NEURL1: variants seen among roughly 807,000 people sequenced by gnomAD.
NEURL1 encodes neuralized E3 ubiquitin protein ligase 1.
Under a neutral mutation model 41.2 loss-of-function variants are expected in NEURL1, and 26 were observed. The ratio of observed to expected loss-of-function variants is 0.63; its 90% CI spans 0.46 to 0.87. NEURL1 has a LOEUF of 0.87. Among genes scored for constraint, NEURL1 ranks in the 40% least tolerant of loss-of-function variants. The pLI, the probability that NEURL1 is intolerant of heterozygous loss-of-function variation, is 0.00. For synonymous variants in NEURL1, 400 were observed against 402.3 expected (o/e 0.99, Z 0.07); for missense variants, 761 against 871.1 (o/e 0.87, Z 1.59).
At chr10:103,534,968 T>C (rs1404724910) in intron 1 of NEURL1, among the ~76,000 whole-genome samples, 1 of 152,148 alleles carries the variant, frequency 6.6e-6, no homozygotes, top group Non-Finnish European at 1.5e-5. Context: ...AGTACTGGCC[T>C]GACTCCTGGG....
intron 1 of NEURL1, among the ~76,000 whole-genome samples, 175 bp from the exon 2 acceptor site, chr10:103,570,696 TG>T (rs370241639): frequency 1.3e-5 from 2 of 149,622 alleles, no homozygotes; most frequent in Non-Finnish European, 3.0e-5. Context: ...GATGGTGGAG[TG>T]GGAGATGGTG....
chr10:103,589,633 T>A lies in NEURL1; in HGVS notation c.1459T>A (p.Ser487Thr). Residue 487 changes from serine to threonine, a missense_variant, in exon 5 of 6, where the codon TCT becomes ACT. By Grantham distance (58) the Ser-to-Thr change is moderately conservative. Transcript: ENST00000369780. ...LSDPLLSTCS[S>T]GPLGSSAGGT... ...TGACCCCTTGCTCAGCACGTGCAGCTCTGGCCCTCTGGGTAGCTCTGCTGG... is the reference window on the plus strand; with the variant it reads ...TGACCCCTTGCTCAGCACGTGCAGCACTGGCCCTCTGGGTAGCTCTGCTGG... 6.2e-7 allele frequency: 1 copy of A among 1,613,064 alleles called. No homozygotes were observed. Among genetic ancestry groups the A allele is most frequent in the Non-Finnish European group, 8.5e-7 (1 of 1,179,488 alleles).
intron 3 of NEURL1, among the ~76,000 whole-genome samples, chr10:103,577,427 AG>A (rs1714305648): frequency 6.6e-6 from 1 of 152,236 alleles, no homozygotes; most frequent in Non-Finnish European, 1.5e-5. Flanking sequence ...TTGTATATAA[AG>A]GAAGGTATTA....
chr10:103,567,249 G>A (rs2133875661), intron 1 of NEURL1, among the ~76,000 whole-genome samples: 1 of 152,208 alleles, frequency 6.6e-6, no homozygotes, highest in East Asian at 1.9e-4. Context: ...CTCCCAAAGT[G>A]CTGAGATTAC....
intron 3 of NEURL1, among the ~76,000 whole-genome samples, chr10:103,572,993 T>C (rs372186911): frequency 1.6e-5 from 2 of 128,452 alleles, no homozygotes; most frequent in African/African-American, 3.5e-5. Flanking sequence ...GTTGAAAACC[T>C]TTTTTTTTTT....
At position 103,590,532 on chromosome 10, in the gene NEURL1, G is replaced by A. The variant is rs965156902; in HGVS notation, c.*160G>A. The A allele has an allele frequency of 4.8e-6, 3 of 631,034 alleles. No homozygotes were observed. The highest frequency in any genetic ancestry group is 3.7e-5 in the African/African-American group (2 of 54,604). The allele number at this position is 631,034 out of a possible 1,614,324, so 39.1% of individuals were successfully genotyped here. On this transcript the variant is annotated 3_prime_UTR_variant, in exon 6 of 6. Coordinates refer to ENST00000369780, the MANE Select transcript of NEURL1 (RefSeq NM_004210.5). ...AAGCCCTTGAAGGTTTGGGGAGAGG[G>A]GGGTATCAGGCAGGGAGGGGGCAGA...
intron 1 of NEURL1, among the ~76,000 whole-genome samples, chr10:103,548,443 C>T (rs1431255287): frequency 2.6e-5 from 4 of 152,210 alleles, no homozygotes; most frequent in Non-Finnish European, 4.4e-5. Context: ...CTGCCTCGGC[C>T]TCCCGAGCAG....
intron 1 of NEURL1, among the ~76,000 whole-genome samples, chr10:103,544,409 G>A (rs190013757): frequency 6.6e-6 from 1 of 152,286 alleles, no homozygotes; most frequent in Admixed American, 6.5e-5. Context: ...GGGAGAAGGA[G>A]CTGCTTCTTC....
chr10:103,584,962 CG>C lies in NEURL1; in HGVS notation c.1077del (p.Cys360AlafsTer144). ...GGCGCGCTGTCGTTCGGCGTCACCA[CG>C]TGCGACCCCGGCACGCTGCGGCCGG... ...RPGALSFGVT[T>X]CDPGTLRPAD... On this transcript the variant is annotated frameshift_variant, in exon 4 of 6. Coordinates refer to ENST00000369780, the MANE Select transcript of NEURL1 (RefSeq NM_004210.5). LOFTEE classifies it high-confidence loss of function. 1 of 1,515,150 alleles carries C rather than the reference CG, an allele frequency of 6.6e-7. No individual in the cohort carries two copies. Among genetic ancestry groups the C allele is most frequent in the Non-Finnish European group, 8.8e-7 (1 of 1,140,836 alleles). The allele number at this position is 1,515,150 out of a possible 1,614,324, so 93.9% of individuals were successfully genotyped here.
At chr10:103,570,838 A>G (rs2035524571) in intron 1 of NEURL1, 34 bp from the exon 2 acceptor site, 1 of 1,595,848 alleles carries the variant, frequency 6.3e-7, no homozygotes, top group African/African-American at 1.3e-5. Context: ...TGGACCCGCC[A>G]AGTTCTCTGA....
At position 103,531,689 on chromosome 10, in the gene NEURL1, T is replaced by TC. The variant is rs373638485; in HGVS notation, c.85+37217_85+37218insC. 9.6e-3 allele frequency among the ~76,000 whole-genome samples: 1,408 copies of TC among 146,272 alleles called. 17 individuals are homozygous for TC. Among genetic ancestry groups the TC allele is most frequent in the African/African-American group, 0.03 (1,183 of 39,828 alleles). ...CATACTACCATTCCTGGCTTTTTCT[T>TC]TTTTTTTTTTAGTAGAGATGAAGTC... On this transcript the variant is annotated intron_variant, in intron 1 of 5. Transcript: ENST00000369780.
chr10:103,553,914 C>A (rs1439649763), intron 1 of NEURL1, among the ~76,000 whole-genome samples: 1 of 152,254 alleles, frequency 6.6e-6, no homozygotes, highest in Admixed American at 6.5e-5. Flanking sequence ...CTGGTAGAGG[C>A]CCCTGAGCTT....
chr10:103,521,456 C>T lies in NEURL1; in HGVS notation c.85+26984C>T, dbSNP rs1422418836. On this transcript the variant is annotated intron_variant, in intron 1 of 5. Coordinates refer to ENST00000369780, the MANE Select transcript of NEURL1 (RefSeq NM_004210.5). ...TGCCAGTCCTGGGCGGGGGCAAATC[C>T]CCGAGCTTGATGTGTAGGGAAGGGA... Among the ~76,000 whole-genome samples the T allele has an allele frequency of 2.0e-5, 3 of 152,246 alleles. No homozygotes were observed. The East Asian group carries it at 5.8e-4, about 29-fold the overall frequency.
chr10:103,561,925 A>G (rs996926828), intron 1 of NEURL1, among the ~76,000 whole-genome samples: 1 of 152,082 alleles, frequency 6.6e-6, no homozygotes, highest in South Asian at 2.1e-4. Flanking sequence ...TTCTTTTTCT[A>G]ATTTCTCCAC....
intron 1 of NEURL1, among the ~76,000 whole-genome samples, chr10:103,552,095 A>T (rs969515189): frequency 1.3e-5 from 2 of 152,212 alleles, no homozygotes; most frequent in Non-Finnish European, 2.9e-5. Context: ...GAGGGGAGTG[A>T]GGCTAAGTCA....
At chr10:103,543,363 G>A (rs2034860077) in intron 1 of NEURL1, among the ~76,000 whole-genome samples, 1 of 152,236 alleles carries the variant, frequency 6.6e-6, no homozygotes, top group African/African-American at 2.4e-5. Flanking sequence ...GCCCCCACTG[G>A]TGCTGCGAGG....
At chr10:103,557,670 G>A (rs2035185213) in intron 1 of NEURL1, among the ~76,000 whole-genome samples, 1 of 152,186 alleles carries the variant, frequency 6.6e-6, no homozygotes, top group South Asian at 2.1e-4. Flanking sequence ...CAGAACCCTT[G>A]CATATGCGTC....
intron 1 of NEURL1, among the ~76,000 whole-genome samples, chr10:103,501,441 A>G (rs2033820659): frequency 6.6e-6 from 1 of 151,978 alleles, no homozygotes; most frequent in Non-Finnish European, 1.5e-5. Flanking sequence ...GTCTGAAAGC[A>G]TTTCCAACCC....
chr10:103,537,685 C>T (rs112200156), intron 1 of NEURL1, among the ~76,000 whole-genome samples: 23 of 152,246 alleles, frequency 1.5e-4, no homozygotes, highest in African/African-American at 4.1e-4. Context: ...TGAGCCACCG[C>T]GGCTGGCTTA....
Sources: allele counts gnomAD v4.1 joint callset (sites outside exome capture counted in the v4.1 genomes callset), GRCh38; gene constraint gnomAD v4.1.1; transcripts MANE v1.5; gene names NCBI Gene and HGNC (gene_info 2026-07-23, HGNC 2026-07-21).